The following DNAJC6 variants were observed in gnomAD, a reference collection of about 807,000 sequenced individuals.
DNAJC6 encodes auxilin.
DNAJC6 carries 34 observed loss-of-function variants against 110.0 expected under a neutral mutation model. That is an observed-to-expected ratio of 0.31 (90% CI 0.24 to 0.41). The LOEUF (loss-of-function observed/expected upper bound fraction) is 0.41, where lower values mean the gene tolerates loss of function less well. DNAJC6 is among the 10% of genes least tolerant of loss of function. The probability of loss-of-function intolerance (pLI) is 1.00; values close to 1 mark genes in which losing one functional copy is unlikely to be tolerated. For missense variants in DNAJC6, 1,031 were observed against 1,207.8 expected, an observed-to-expected ratio of 0.85 and a Z score of 2.17; for synonymous variants, 406 against 437.2, an observed-to-expected ratio of 0.93 and a Z score of 0.89.
At position 65,365,945 on chromosome 1, in the gene DNAJC6, C is replaced by T. The variant is rs769465347; in HGVS notation, c.394+11C>T. ...CCTCCAGAATTATTGGTAAGTTTCT[C>T]ATGTTTATTAACAGTCCTTTGGCTC... On this transcript the variant is annotated intron_variant, in intron 3 of 18. Coordinates refer to ENST00000371069, the MANE Select transcript of DNAJC6 (RefSeq NM_001256864.2). 18 of 1,613,392 alleles carry T rather than the reference C, an allele frequency of 1.1e-5. No individual in the cohort carries two copies. The highest frequency in any genetic ancestry group is 4.0e-5 in the African/African-American group (3 of 74,884).
chr1:65,308,691 GA>G (rs990386686), upstream of DNAJC6, among the ~76,000 whole-genome samples: 9 of 152,090 alleles, frequency 5.9e-5, no homozygotes, highest in African/African-American at 1.9e-4. Flanking sequence ...AGAGGATGGG[GA>G]AAAAAAATCC....
intron 1 of DNAJC6, among the ~76,000 whole-genome samples, chr1:65,268,854 A>G (rs1242209515): frequency 1.3e-5 from 2 of 152,150 alleles, no homozygotes; most frequent in Non-Finnish European, 2.9e-5. Context: ...TTTTCTTTTT[A>G]CTAAGTTCTT....
At chr1:65,290,587 A>G (rs1644861454) in intron 1 of DNAJC6, among the ~76,000 whole-genome samples, 1 of 152,122 alleles carries the variant, frequency 6.6e-6, no homozygotes, top group Non-Finnish European at 1.5e-5. Context: ...TTTTCCACAA[A>G]CTATCTATGT....
intron 12 of DNAJC6, among the ~76,000 whole-genome samples, chr1:65,393,952 A>C (rs2101616592): frequency 6.6e-6 from 1 of 152,278 alleles, no homozygotes; most frequent in East Asian, 1.9e-4. Flanking sequence ...CTCCAATGTT[A>C]GCTATTGGTG....
At chr1:65,350,038 A>G (rs77443812) in intron 1 of DNAJC6, among the ~76,000 whole-genome samples, 9,208 of 152,252 alleles carry the variant, frequency 0.06, 615 homozygotes, top group East Asian at 0.3. Flanking sequence ...TTACAATTCA[A>G]TAGTGCTAAG....
intron 5 of DNAJC6, among the ~76,000 whole-genome samples, chr1:65,381,548 CAAA>C (rs35401253): frequency 4.2e-5 from 5 of 118,070 alleles, no homozygotes; most frequent in African/African-American, 1.5e-4. Context: ...GATTCCCTCT[CAAA>C]AAAAAAAAAA....
At chr1:65,380,923 T>TTG (rs1645814876) in intron 5 of DNAJC6, among the ~76,000 whole-genome samples, 2 of 128,878 alleles carry the variant, frequency 1.6e-5, no homozygotes, top group Admixed American at 7.3e-5. Context: ...TTTGTTTTGT[T>TTG]TTTTTTTTTT....
intron 4 of DNAJC6, among the ~76,000 whole-genome samples, chr1:65,368,400 T>C (rs1419697618): frequency 2.6e-5 from 4 of 152,064 alleles, no homozygotes; most frequent in Admixed American, 1.3e-4. Context: ...CATGTGCTCA[T>C]GTGCACACAG....
intron 1 of DNAJC6, among the ~76,000 whole-genome samples, chr1:65,272,879 T>C (rs1653552681): frequency 2.0e-5 from 3 of 152,170 alleles, no homozygotes; most frequent in African/African-American, 7.2e-5. Flanking sequence ...GATTTCCTAT[T>C]TTTGTGTGTG....
intron 16 of DNAJC6, among the ~76,000 whole-genome samples, chr1:65,406,335 T>C (rs1646076206): frequency 8.1e-6 from 1 of 123,696 alleles, no homozygotes; most frequent in Admixed American, 7.5e-5. Flanking sequence ...ACTATGCTCC[T>C]AACTTTTATA....
intron 1 of DNAJC6, among the ~76,000 whole-genome samples, chr1:65,293,328 C>T (rs1644898325): frequency 6.6e-6 from 1 of 151,842 alleles, no homozygotes; most frequent in South Asian, 2.1e-4. Context: ...AGACAGTGAG[C>T]ACATGCTCTG....
chr1:65,289,322 A>C (rs912034044), intron 1 of DNAJC6, among the ~76,000 whole-genome samples: 1 of 152,080 alleles, frequency 6.6e-6, no homozygotes, highest in African/African-American at 2.4e-5. Flanking sequence ...CAGCCTCCTG[A>C]GTAGCTGGGA....
chr1:65,344,177 C>A (rs1348988880), intron 1 of DNAJC6, among the ~76,000 whole-genome samples: 2 of 152,206 alleles, frequency 1.3e-5, no homozygotes. Flanking sequence ...CACCAGGGTG[C>A]AGCCTGCAGA....
chr1:65,309,598 G>A lies in DNAJC6; in HGVS notation c.-148G>A, dbSNP rs1645078017. 1 of 1,189,058 alleles carries A rather than the reference G, an allele frequency of 8.4e-7. No homozygotes were observed. The highest frequency in any genetic ancestry group is 1.7e-5 in the African/African-American group (1 of 58,586). 73.7% of individuals were successfully genotyped at this position (1,189,058 alleles called of 1,614,324 possible). ...GCCTCGCCCGGCGAAGCTTCTCTCC[G>A]GTGGCCGCTCCTTCTTTTCCCTCCT... On this transcript the variant is annotated 5_prime_UTR_variant, in exon 1 of 19. Transcript: ENST00000371069.
At position 65,355,906 on chromosome 1, in the gene DNAJC6, C is replaced by G. The variant is rs200381268; in HGVS notation, c.194-8729C>G. Among the ~76,000 whole-genome samples the G allele has an allele frequency of 5.7e-4, 16 of 27,924 alleles. No individual in the cohort carries two copies. The South Asian group carries it at 0.014, about 24-fold the overall frequency. The allele number at this position is 27,924 out of a possible 152,430, so 18.3% of individuals were successfully genotyped here. On this transcript the variant is annotated intron_variant, in intron 1 of 18. Coordinates refer to ENST00000371069, the MANE Select transcript of DNAJC6 (RefSeq NM_001256864.2). ...GCTTTTTTTTTTTTTTTTTTTTTTT[C>G]TGGCCAAGGCTGCGTGAGTTTGCTA...
At chr1:65,381,492 T>C (rs1645822095) in intron 5 of DNAJC6, among the ~76,000 whole-genome samples, 1 of 150,544 alleles carries the variant, frequency 6.6e-6, no homozygotes, top group South Asian at 2.1e-4. Context: ...GAGGTTGCAG[T>C]GGGCTGAGAT....
chr1:65,321,850 A>G (rs991634518), intron 1 of DNAJC6, among the ~76,000 whole-genome samples: 1 of 152,214 alleles, frequency 6.6e-6, no homozygotes, highest in Non-Finnish European at 1.5e-5. Context: ...CCCTGTAGCC[A>G]AGATATATCA....
In DNAJC6 at chr1:65,309,630, G is replaced by A. The variant is rs1645078321; in HGVS notation, c.-116G>A. ...GCTCCTTCTTTTCCCTCCTCTTTGC[G>A]TCATGTCGGGCACTTAATTTTTTTT... On this transcript the variant is annotated 5_prime_UTR_variant, in exon 1 of 19. Coordinates refer to ENST00000371069, the MANE Select transcript of DNAJC6 (RefSeq NM_001256864.2). The A allele has an allele frequency of 4.3e-6, 6 of 1,405,136 alleles. No individual in the cohort carries two copies. In the South Asian group the frequency reaches 8.0e-5, roughly 19 times the overall value. 87.0% of individuals were successfully genotyped at this position (1,405,136 alleles called of 1,614,324 possible). A position where few individuals can be genotyped will look rare whatever the true frequency, so the allele number is the denominator to read the frequency against.
chr1:65,326,369 G>C (rs2101435394), intron 1 of DNAJC6, among the ~76,000 whole-genome samples: 1 of 152,282 alleles, frequency 6.6e-6, no homozygotes, highest in Non-Finnish European at 1.5e-5. Context: ...AGGTAGAGAT[G>C]GGCCCCTTCT....
Sources: gnomAD v4.1 joint callset for allele counts (sites outside exome capture counted in the v4.1 genomes callset) on GRCh38, gnomAD v4.1.1 for gene constraint, MANE v1.5 for transcripts, NCBI Gene and HGNC (gene_info 2026-07-23, HGNC 2026-07-21) for gene names.